Variants in SPAG16 observed in about 807,000 individuals in gnomAD.
SPAG16 encodes sperm associated antigen 16.
A neutral mutation model predicts 80.4 loss-of-function variants in SPAG16; 86 were observed. The ratio of observed to expected loss-of-function variants is 1.07; its 90% CI spans 0.90 to 1.28. The LOEUF is 1.28. Among genes scored for constraint, SPAG16 ranks in the 50% most tolerant of loss-of-function variants. The pLI is 0.00. For missense variants in SPAG16, 870 were observed against 765.3 expected, an observed-to-expected ratio of 1.14 and a Z score of -1.61; for synonymous variants, 294 against 265.9, an observed-to-expected ratio of 1.11 and a Z score of -1.03.
chr2:213,355,357 G>A (rs1362307228), intron 7 of SPAG16, among the ~76,000 whole-genome samples: 1 of 130,930 alleles, frequency 7.6e-6, no homozygotes, highest in Non-Finnish European at 1.6e-5. Context: ...GCTCTTTTTT[G>A]GTTCCATATG....
intron 10 of SPAG16, among the ~76,000 whole-genome samples, chr2:213,534,525 T>C (rs965988498): frequency 2.6e-5 from 4 of 152,114 alleles, no homozygotes; most frequent in African/African-American, 9.7e-5. Flanking sequence ...TTGTGATATA[T>C]TTATAAAATG....
chr2:214,353,847 G>C (rs1280540875), intron 15 of SPAG16, among the ~76,000 whole-genome samples: 1 of 152,052 alleles, frequency 6.6e-6, no homozygotes. Flanking sequence ...TATCACACTT[G>C]TGGTTCAAGT....
At chr2:213,496,362 A>T (rs1203122779) in intron 10 of SPAG16, among the ~76,000 whole-genome samples, 2 of 152,158 alleles carry the variant, frequency 1.3e-5, no homozygotes, top group African/African-American at 4.8e-5. Context: ...TATATGGGGA[A>T]GACTGAGGGA....
chr2:214,205,192 C>G (rs771124872), intron 15 of SPAG16, among the ~76,000 whole-genome samples: 2 of 151,868 alleles, frequency 1.3e-5, no homozygotes, highest in Non-Finnish European at 2.9e-5. Context: ...CCACTGCACT[C>G]CAGCCTGGGC....
At chr2:214,141,317 A>C (rs1318806028) in intron 14 of SPAG16, among the ~76,000 whole-genome samples, 1 of 151,952 alleles carries the variant, frequency 6.6e-6, no homozygotes, top group Non-Finnish European at 1.5e-5. Context: ...AAATACAAAA[A>C]TTAGCCAGGC....
chr2:213,822,797 A>T (rs982261420), intron 10 of SPAG16, among the ~76,000 whole-genome samples: 1 of 151,610 alleles, frequency 6.6e-6, no homozygotes, highest in African/African-American at 2.4e-5. Context: ...TCAAGGTTCA[A>T]CTCCCACTTA....
chr2:213,534,068 C>T (rs1278203304), intron 10 of SPAG16, among the ~76,000 whole-genome samples: 2 of 152,044 alleles, frequency 1.3e-5, no homozygotes, highest in Non-Finnish European at 2.9e-5. Context: ...TTATGCACAT[C>T]TACAGTAGTT....
chr2:213,602,381 C>A (rs2061098702), intron 10 of SPAG16, among the ~76,000 whole-genome samples: 1 of 152,234 alleles, frequency 6.6e-6, no homozygotes, highest in African/African-American at 2.4e-5. Context: ...CGCCTGTAAT[C>A]CCAGCCCGTT....
chr2:214,059,382 C>G (rs1050096008), intron 13 of SPAG16, among the ~76,000 whole-genome samples: 1 of 149,958 alleles, frequency 6.7e-6, no homozygotes, highest in Non-Finnish European at 1.5e-5. Flanking sequence ...CATTTGTTAC[C>G]CTTTTCTTCT....
chr2:213,509,573 TA>T (rs1177878789), intron 10 of SPAG16, among the ~76,000 whole-genome samples: 1 of 152,188 alleles, frequency 6.6e-6, no homozygotes, highest in Non-Finnish European at 1.5e-5. Context: ...GTACGGGATA[TA>T]ATCTCCTGGT....
intron 4 of SPAG16, among the ~76,000 whole-genome samples, chr2:213,312,168 A>G (rs1184491883): frequency 6.6e-6 from 1 of 151,704 alleles, no homozygotes; most frequent in Non-Finnish European, 1.5e-5. Flanking sequence ...CTGTAAATAT[A>G]GTTTTGCCAA....
chr2:214,193,040 A>C (rs982644918), intron 15 of SPAG16, among the ~76,000 whole-genome samples: 2 of 152,098 alleles, frequency 1.3e-5, no homozygotes, highest in Non-Finnish European at 2.9e-5. Context: ...CCTCTGCTAC[A>C]TGATCAGTAC....
Position 213,628,279 on chromosome 2 carries a change from C to A in SPAG16, c.1070+138189C>A, listed in dbSNP as rs147114503. 3.0e-3 allele frequency among the ~76,000 whole-genome samples: 459 copies of A among 152,326 alleles called. 1 individual carries two copies. The highest frequency in any genetic ancestry group is 0.011 in the African/African-American group (440 of 41,572). ...TCCAAGATGCACATGTTTCCAGTTTCACAAATAGTACCAAGACCTAAATGA... is the reference window on the plus strand; with the variant it reads ...TCCAAGATGCACATGTTTCCAGTTTAACAAATAGTACCAAGACCTAAATGA... On this transcript the variant is annotated intron_variant, in intron 10 of 15. Coordinates refer to ENST00000331683, the MANE Select transcript of SPAG16 (RefSeq NM_024532.5).
intron 10 of SPAG16, among the ~76,000 whole-genome samples, chr2:213,741,255 A>C (rs1268987976): frequency 6.6e-6 from 1 of 152,198 alleles, no homozygotes; most frequent in Admixed American, 6.5e-5. Context: ...GTATAAGTAT[A>C]TTTAATAATA....
At chr2:213,693,646 A>C (rs2065037692) in intron 10 of SPAG16, among the ~76,000 whole-genome samples, 1 of 152,198 alleles carries the variant, frequency 6.6e-6, no homozygotes, top group African/African-American at 2.4e-5. Context: ...TATCATGATA[A>C]CTAGGTACTA....
intron 9 of SPAG16, among the ~76,000 whole-genome samples, chr2:213,378,571 G>C (rs916173477): frequency 2.0e-5 from 3 of 152,154 alleles, no homozygotes; most frequent in Non-Finnish European, 4.4e-5. Context: ...GAAATAAAAC[G>C]AAGGTATATT....
At chr2:213,794,833 C>A (rs2070926212) in intron 10 of SPAG16, among the ~76,000 whole-genome samples, 1 of 152,070 alleles carries the variant, frequency 6.6e-6, no homozygotes, top group Admixed American at 6.6e-5. Flanking sequence ...TGATAAGAGA[C>A]ATAGAATTAG....
intron 13 of SPAG16, among the ~76,000 whole-genome samples, chr2:214,015,848 TAAGG>T (rs1464152414): frequency 3.9e-5 from 6 of 152,094 alleles, no homozygotes; most frequent in African/African-American, 1.2e-4. Context: ...ATGATTTTGA[TAAGG>T]AAGTAAGAGA....
chr2:213,761,522 TA>T (rs1342178807), intron 10 of SPAG16, among the ~76,000 whole-genome samples: 1 of 151,860 alleles, frequency 6.6e-6, no homozygotes, highest in Admixed American at 6.6e-5. Context: ...AATAAACTAA[TA>T]AAAAATGAGA....
Sources: gnomAD v4.1 joint callset for allele counts (sites outside exome capture counted in the v4.1 genomes callset) on GRCh38, gnomAD v4.1.1 for gene constraint, MANE v1.5 for transcripts, NCBI Gene and HGNC (gene_info 2026-07-23, HGNC 2026-07-21) for gene names.